Variants in MICAL3 observed in about 807,000 individuals in gnomAD.
MICAL3 encodes the protein [F-actin]-monooxygenase MICAL3.
A neutral mutation model predicts 207.4 loss-of-function variants in MICAL3; 62 were observed. The observed-to-expected ratio is 0.30, with a 90% confidence interval of 0.24 to 0.37. MICAL3 has a LOEUF of 0.37. MICAL3 is among the 10% of genes least tolerant of loss of function. The probability of loss-of-function intolerance (pLI) is 1.00; values close to 1 mark genes in which losing one functional copy is unlikely to be tolerated. For synonymous variants in MICAL3, 1,077 were observed against 1,069.3 expected (o/e 1.01, Z -0.14); for missense variants, 2,368 against 2,635.6 (o/e 0.90, Z 2.22).
chr22:17,955,860 G>T (rs1422355605), intron 1 of MICAL3, among the ~76,000 whole-genome samples: 1 of 152,196 alleles, frequency 6.6e-6, no homozygotes, highest in African/African-American at 2.4e-5. Context: ...ACCGGGAAAA[G>T]ATCTGAGAGA....
At chr22:17,962,598 A>G (rs1324073117) in intron 1 of MICAL3, among the ~76,000 whole-genome samples, 1 of 152,180 alleles carries the variant, frequency 6.6e-6, no homozygotes, top group Non-Finnish European at 1.5e-5. Context: ...ATGGGTTAGA[A>G]CTGCAGCAGT....
In MICAL3 at chr22:17,906,897, G is replaced by C; in HGVS notation, c.-74-11C>G. 7.4e-7 allele frequency: 1 copy of C among 1,353,628 alleles called. No individual in the cohort carries two copies. Among genetic ancestry groups the C allele is most frequent in the South Asian group, 1.5e-5 (1 of 68,758 alleles). The allele number at this position is 1,353,628 out of a possible 1,614,324, so 83.9% of individuals were successfully genotyped here. Reference sequence around the variant, plus strand: ...CACTGTCACGTTAATCTGACAAAAAGAAAGAAAAACGTGGTTAGCATTTCT... The same window carrying C: ...CACTGTCACGTTAATCTGACAAAAACAAAGAAAAACGTGGTTAGCATTTCT... On this transcript the variant is annotated splice_polypyrimidine_tract_variant and intron_variant, in intron 1 of 31. Transcript: ENST00000441493.
chr22:17,797,725 G>T (rs2061891212), intron 29 of MICAL3, among the ~76,000 whole-genome samples: 1 of 152,248 alleles, frequency 6.6e-6, no homozygotes. Flanking sequence ...CTGTGGTAAG[G>T]ATGATGCGGG....
At chr22:17,988,449 G>C (rs1921275835) in intron 1 of MICAL3, among the ~76,000 whole-genome samples, 1 of 152,120 alleles carries the variant, frequency 6.6e-6, no homozygotes, top group Non-Finnish European at 1.5e-5. Flanking sequence ...TTACATTTCT[G>C]GGTTTTTTTT....
chr22:17,961,861 T>C (rs1934927594), intron 1 of MICAL3, among the ~76,000 whole-genome samples: 3 of 152,198 alleles, frequency 2.0e-5, no homozygotes. Flanking sequence ...TTGCTCCTCT[T>C]CACCACCACC....
chr22:17,831,956 T>C lies in MICAL3; in HGVS notation c.2953A>G (p.Lys985Glu). Reference sequence around the variant, plus strand: ...TCTTCATTCCCAGGCCCAAAGCTCTTTGAGGCCTCTAGCTCCTCTTCACTT... The same window carrying C: ...TCTTCATTCCCAGGCCCAAAGCTCTCTGAGGCCTCTAGCTCCTCTTCACTT... ...GKSEEELEAS[K>E]SFGPGNEEEE... The change falls in exon 21 of 32, where the codon AAG (lysine) becomes GAG (glutamate). Residue 985 changes from lysine to glutamate, a missense_variant. By Grantham distance (56) the Lys-to-Glu change is moderately conservative (BLOSUM62 1). Transcript: ENST00000441493. 1 of 1,585,898 alleles carries C rather than the reference T, an allele frequency of 6.3e-7. No homozygotes were observed. The highest frequency in any genetic ancestry group is 1.2e-5 in the South Asian group (1 of 86,674).
intron 1 of MICAL3, among the ~76,000 whole-genome samples, chr22:18,018,004 C>A (rs972862626): frequency 1.3e-5 from 2 of 152,014 alleles, no homozygotes; most frequent in Non-Finnish European, 2.9e-5. Flanking sequence ...CCTGCCTCGG[C>A]CTCCCACAGT....
intron 1 of MICAL3, among the ~76,000 whole-genome samples, chr22:17,982,652 C>G (rs1935966740): frequency 7.3e-6 from 1 of 137,782 alleles, no homozygotes; most frequent in South Asian, 2.2e-4. Context: ...GCCTGGGCGA[C>G]AGAGTAAGAC....
chr22:17,895,866 G>C (rs1255983924), intron 9 of MICAL3, among the ~76,000 whole-genome samples: 1 of 152,150 alleles, frequency 6.6e-6, no homozygotes, highest in African/African-American at 2.4e-5. Flanking sequence ...TAAGGCATTA[G>C]TTCTTTATCA....
chr22:17,984,864 C>T (rs1030066911), intron 1 of MICAL3, among the ~76,000 whole-genome samples: 2 of 152,178 alleles, frequency 1.3e-5, no homozygotes, highest in African/African-American at 4.8e-5. Flanking sequence ...CCCAAAGCCA[C>T]ACGAGTAGCA....
chr22:17,820,550 A>G (rs1921464132), intron 25 of MICAL3, among the ~76,000 whole-genome samples: 1 of 152,108 alleles, frequency 6.6e-6, no homozygotes, highest in South Asian at 2.1e-4. Flanking sequence ...GAGACAGGCT[A>G]TCACTGTGTT....
chr22:17,929,568 C>CTTTTTTTTTTT (rs67222681), intron 1 of MICAL3, among the ~76,000 whole-genome samples: 50 of 108,898 alleles, frequency 4.6e-4, no homozygotes, highest in Non-Finnish European at 5.3e-4. Context: ...CTTTTCTTTT[C>CTTTTTTTTTTT]TTTTTTTTTT....
intron 19 of MICAL3, among the ~76,000 whole-genome samples, chr22:17,851,715 A>G (rs1482952825): frequency 6.6e-6 from 1 of 152,236 alleles, no homozygotes; most frequent in East Asian, 1.9e-4. Context: ...GGGCAAGTCT[A>G]CCAAGACGGC....
intron 20 of MICAL3, among the ~76,000 whole-genome samples, chr22:17,835,761 G>A (rs1923293366): frequency 6.6e-6 from 1 of 152,212 alleles, no homozygotes; most frequent in African/African-American, 2.4e-5. Context: ...ATCTGTTTTG[G>A]CACTGGTGAC....
chr22:17,923,356 T>C (rs551266709), intron 1 of MICAL3, among the ~76,000 whole-genome samples: 4 of 152,334 alleles, frequency 2.6e-5, no homozygotes, highest in East Asian at 3.9e-4. Flanking sequence ...ATGACCTCTC[T>C]GGGCTCCAAA....
At chr22:17,878,949 T>C (rs79147788) in intron 16 of MICAL3, among the ~76,000 whole-genome samples, 26 of 152,326 alleles carry the variant, frequency 1.7e-4, no homozygotes, top group African/African-American at 6.0e-4. Context: ...TGAATGCCAC[T>C]TGAATACTGA....
intron 1 of MICAL3, among the ~76,000 whole-genome samples, chr22:17,997,546 G>C (rs1922429503): frequency 6.6e-6 from 1 of 152,152 alleles, no homozygotes; most frequent in South Asian, 2.1e-4. Context: ...CCTCCCATCA[G>C]ACCTGGGGTG....
At chr22:17,866,608 CAGAACAGAATAGAATAGAATAGAAT>C (rs1322639791) in intron 17 of MICAL3, among the ~76,000 whole-genome samples, 20 of 123,108 alleles carry the variant, frequency 1.6e-4, no homozygotes, top group Non-Finnish European at 2.7e-4. Context: ...CAGCATAGAA[CAGAACAGAATAGAATAGAATAGAAT>C]AGAATAGAAT....
At chr22:17,821,252 C>T (rs1399829682) in intron 25 of MICAL3, among the ~76,000 whole-genome samples, 175 bp downstream of exon 25, 2 of 151,946 alleles carry the variant, frequency 1.3e-5, no homozygotes, top group Non-Finnish European at 2.9e-5. Context: ...AACAGCTCCA[C>T]TTAGTACAAG....
Sources: gnomAD v4.1 joint callset for allele counts (sites outside exome capture counted in the v4.1 genomes callset) on GRCh38, gnomAD v4.1.1 for gene constraint, MANE v1.5 for transcripts, NCBI Gene and HGNC (gene_info 2026-07-23, HGNC 2026-07-21) for gene names.